Variants in FAM53A observed in about 807,000 individuals in gnomAD.
The protein encoded by FAM53A is protein FAM53A.
Under a neutral mutation model 26.6 loss-of-function variants are expected in FAM53A, and 28 were observed. That is an observed-to-expected ratio of 1.05 (90% CI 0.78 to 1.45). FAM53A has a LOEUF of 1.45. FAM53A is among the 40% of genes most tolerant of loss of function. The pLI, the probability that FAM53A is intolerant of heterozygous loss-of-function variation, is 0.00. For missense variants in FAM53A, 650 were observed against 575.8 expected, an observed-to-expected ratio of 1.13 and a Z score of -1.32; for synonymous variants, 290 against 253.1, an observed-to-expected ratio of 1.15 and a Z score of -1.38.
In FAM53A at chr4:1,661,152, C is replaced by T. The variant is rs538297994; in HGVS notation, c.76-3684G>A. Among the ~76,000 whole-genome samples, 16 of 152,194 alleles carry T rather than the reference C, an allele frequency of 1.1e-4. No homozygotes were observed. In the South Asian group the frequency reaches 3.1e-3, roughly 30 times the overall value. On this transcript the variant is annotated intron_variant, in intron 2 of 4. Transcript: ENST00000308132. ...GAACTGCTGCTCTGGTCCTGGCTGC[C>T]GCGGCCCTCTACTCTGCCCTCTGGA... is the stretch of plus-strand genomic sequence containing the variant.
intron 1 of FAM53A, among the ~76,000 whole-genome samples, chr4:1,681,149 T>G (rs1239316795): frequency 6.6e-6 from 1 of 152,156 alleles, no homozygotes; most frequent in Non-Finnish European, 1.5e-5. Context: ...CAGGCTGAAG[T>G]GCAACGGCGC....
chr4:1,675,711 C>T (rs538123251), intron 1 of FAM53A, among the ~76,000 whole-genome samples: 15 of 152,226 alleles, frequency 9.9e-5, no homozygotes, highest in Non-Finnish European at 1.8e-4. Context: ...CCGACCTCAG[C>T]GGAAAGCAGA....
chr4:1,684,514 G>A (rs1394711710), upstream of FAM53A, among the ~76,000 whole-genome samples: 3 of 151,276 alleles, frequency 2.0e-5, no homozygotes, highest in African/African-American at 7.2e-5. Flanking sequence ...CCCTGTGCGA[G>A]GGTCTGGCCC....
At chr4:1,674,112 C>T (rs1714871306) in intron 1 of FAM53A, among the ~76,000 whole-genome samples, 1 of 152,194 alleles carries the variant, frequency 6.6e-6, no homozygotes, top group Admixed American at 6.5e-5. Flanking sequence ...GGCCGGAAGT[C>T]CAAAACTGAG....
rs532368481 is a variant in FAM53A, at chr4:1,654,184, C to A, written c.882+794G>T. On this transcript the variant is annotated intron_variant, in intron 4 of 4. Coordinates refer to ENST00000308132, the MANE Select transcript of FAM53A (RefSeq NM_001174070.3). Reference sequence around the variant, plus strand: ...GAAGTCCTGTTAATTTCTGCCACTGCCCAAAGCTTCCCCGACACAGATGAC... The same window carrying A: ...GAAGTCCTGTTAATTTCTGCCACTGACCAAAGCTTCCCCGACACAGATGAC... 5.3e-5 allele frequency among the ~76,000 whole-genome samples: 8 copies of A among 152,322 alleles called. No homozygotes were observed. The South Asian group carries it at 1.7e-3, about 32-fold the overall frequency.
At chr4:1,620,629 C>T (rs1577080606) in intron 1 of FAM53A, among the ~76,000 whole-genome samples, 1 of 151,824 alleles carries the variant, frequency 6.6e-6, no homozygotes, top group Non-Finnish European at 1.5e-5. Flanking sequence ...GACTGCGCCA[C>T]TGCATTCAAG....
the FAM53A span, among the ~76,000 whole-genome samples, chr4:1,610,660 C>T: frequency 2.0e-5 from 3 of 151,890 alleles, no homozygotes; most frequent in Non-Finnish European, 4.4e-5. Flanking sequence ...TGGGGGGCGG[C>T]CTGGGGTGGG....
rs1403987495 is a variant in FAM53A, at chr4:1,640,844, C to A, written c.*449G>T. 4 of 409,808 alleles carry A rather than the reference C, an allele frequency of 9.8e-6. No homozygotes were observed. Among genetic ancestry groups the A allele is most frequent in the Non-Finnish European group, 1.9e-5 (4 of 212,286 alleles). 25.4% of individuals were successfully genotyped at this position (409,808 alleles called of 1,614,324 possible). On this transcript the variant is annotated 3_prime_UTR_variant, in exon 5 of 5. Coordinates refer to ENST00000308132, the MANE Select transcript of FAM53A (RefSeq NM_001174070.3). ...GGCAGGTGCAGGCGGCAGCCATGGC[C>A]CCGACCAGCTCACAGGAAACCTACT... is the stretch of plus-strand genomic sequence containing the variant.
chr4:1,629,122 C>CT (rs1482805479), intron 1 of FAM53A, among the ~76,000 whole-genome samples: 1 of 152,036 alleles, frequency 6.6e-6, no homozygotes, highest in Non-Finnish European at 1.5e-5. Context: ...GGATACCTCG[C>CT]CCAGCCCAGC....
chr4:1,636,059 G>C (rs1296745304), downstream of FAM53A, among the ~76,000 whole-genome samples: 2 of 152,058 alleles, frequency 1.3e-5, no homozygotes, highest in Non-Finnish European at 2.9e-5. Context: ...TTGGTAGCCA[G>C]GATGGTCTCG....
At chr4:1,603,630 G>A in the FAM53A span, among the ~76,000 whole-genome samples, 3 of 152,186 alleles carry the variant, frequency 2.0e-5, no homozygotes, top group African/African-American at 7.2e-5. Context: ...AGGCAGCCCT[G>A]CCCCTCCCAA....
intron 1 of FAM53A, among the ~76,000 whole-genome samples, chr4:1,675,188 G>T (rs763030465): frequency 1.3e-5 from 2 of 152,230 alleles, no homozygotes; most frequent in Non-Finnish European, 2.9e-5. Context: ...GGTAGATGTA[G>T]AAGAGACGTG....
chr4:1,656,890 G>T (rs1474478369), intron 3 of FAM53A, among the ~76,000 whole-genome samples: 1 of 152,096 alleles, frequency 6.6e-6, no homozygotes. Flanking sequence ...GGGAGGACCT[G>T]GGACCCCAGG....
the FAM53A span, among the ~76,000 whole-genome samples, chr4:1,578,142 C>CT: frequency 3.9e-5 from 6 of 152,112 alleles, no homozygotes; most frequent in African/African-American, 1.4e-4. Context: ...CCCCCAGGCC[C>CT]CCCCCAAGCC....
chr4:1,672,772 T>C (rs1714772814), intron 1 of FAM53A, among the ~76,000 whole-genome samples: 1 of 141,010 alleles, frequency 7.1e-6, no homozygotes, highest in African/African-American at 2.6e-5. Context: ...TTTTTTTTTT[T>C]TTTTTTTTTT....
chr4:1,675,363 G>A (rs749970506), intron 1 of FAM53A, among the ~76,000 whole-genome samples: 3 of 152,106 alleles, frequency 2.0e-5, no homozygotes, highest in Non-Finnish European at 2.9e-5. Flanking sequence ...TCTCGGCGCC[G>A]GCCCCTCCAA....
At chr4:1,682,364 A>G (rs1203640981) in intron 1 of FAM53A, among the ~76,000 whole-genome samples, 1 of 151,112 alleles carries the variant, frequency 6.6e-6, no homozygotes. Flanking sequence ...CTGGGTTCAA[A>G]TGATTCTCCT....
intron 2 of FAM53A, among the ~76,000 whole-genome samples, chr4:1,660,301 C>T (rs771718679): frequency 3.3e-5 from 5 of 150,190 alleles, no homozygotes; most frequent in Admixed American, 2.0e-4. Context: ...AAGAAAAAAA[C>T]GAAATCTGTA....
chr4:1,657,651 T>C (rs1389785397), intron 2 of FAM53A, among the ~76,000 whole-genome samples, 183 bp from the exon 3 acceptor site: 1 of 152,230 alleles, frequency 6.6e-6, no homozygotes, highest in Non-Finnish European at 1.5e-5. Context: ...AATTTTTTAT[T>C]TTTTTAGATG....
Sources: allele counts gnomAD v4.1 joint callset (sites outside exome capture counted in the v4.1 genomes callset), GRCh38; gene constraint gnomAD v4.1.1; transcripts MANE v1.5; gene names NCBI Gene and HGNC (gene_info 2026-07-23, HGNC 2026-07-21).